The following FAM20A variants were observed in gnomAD, a reference collection of about 807,000 sequenced individuals.
FAM20A encodes the protein FAM20A golgi associated secretory pathway pseudokinase, also known as pseudokinase FAM20A.
FAM20A carries 42 observed loss-of-function variants against 52.0 expected under a neutral mutation model. The observed-to-expected ratio is 0.81, with a 90% confidence interval of 0.63 to 1.04. The LOEUF is 1.04. Ranked by LOEUF, FAM20A falls within the 50% of genes least tolerant of loss-of-function variation. The pLI is 0.00. For synonymous variants in FAM20A, 304 were observed against 298.9 expected (o/e 1.02, Z -0.18); for missense variants, 742 against 712.7 (o/e 1.04, Z -0.47).
chr17:68,585,856 C>T (rs1249236919), intron 1 of FAM20A, among the ~76,000 whole-genome samples: 2 of 152,148 alleles, frequency 1.3e-5, no homozygotes, highest in Non-Finnish European at 2.9e-5. Context: ...GGGTAATTCC[C>T]CTATGGATGT....
At position 68,537,090 on chromosome 17, in the gene FAM20A, G is replaced by A. The variant is rs778459468; in HGVS notation, c.*387C>T. ...CTGGACCAGGAGTTATCTTTGACTTGTAGCTAGAATAAGGATCCTGAGAAG... is the reference window on the plus strand; with the variant it reads ...CTGGACCAGGAGTTATCTTTGACTTATAGCTAGAATAAGGATCCTGAGAAG... On this transcript the variant is annotated 3_prime_UTR_variant, in exon 11 of 11. Coordinates refer to ENST00000592554, the MANE Select transcript of FAM20A (RefSeq NM_017565.4). The surrounding 1 kb of genome is among the most constrained non-coding windows in gnomAD (Gnocchi z 4.2). 2.2e-6 allele frequency: 1 copy of A among 463,738 alleles called. No homozygotes were observed. The highest frequency in any genetic ancestry group is 2.3e-5 in the Admixed American group (1 of 42,850). 28.7% of individuals were successfully genotyped at this position (463,738 alleles called of 1,614,324 possible). A position where few individuals can be genotyped will look rare whatever the true frequency, so the allele number is the denominator to read the frequency against.
At chr17:68,575,392 T>C (rs1262288113) in intron 1 of FAM20A, among the ~76,000 whole-genome samples, 1 of 135,020 alleles carries the variant, frequency 7.4e-6, no homozygotes, top group Non-Finnish European at 1.5e-5. Flanking sequence ...CATATATATA[T>C]ATATTTTATA....
rs967080163 is a variant in FAM20A, at chr17:68,554,353, G to A, written c.640+424C>T. On this transcript the variant is annotated intron_variant, in intron 3 of 10. Coordinates refer to ENST00000592554, the MANE Select transcript of FAM20A (RefSeq NM_017565.4). ...TGACATCAAGTGATCCACCCGCCTC[G>A]GACTCCCAGAGTGCTGGGATTACAG... Among the ~76,000 whole-genome samples the A allele has an allele frequency of 3.0e-4, 46 of 152,088 alleles. 2 individuals carry two copies. The highest frequency in any genetic ancestry group is 3.8e-4 in the East Asian group (2 of 5,202).
At chr17:68,579,889 T>G (rs972814424) in intron 1 of FAM20A, among the ~76,000 whole-genome samples, 1 of 152,194 alleles carries the variant, frequency 6.6e-6, no homozygotes, top group African/African-American at 2.4e-5. Context: ...AACTAACTGC[T>G]GGGGGCTGGA....
At chr17:68,544,313 A>T (rs1443388367) in intron 4 of FAM20A, among the ~76,000 whole-genome samples, 2 of 152,128 alleles carry the variant, frequency 1.3e-5, no homozygotes. Context: ...ATATTGATTT[A>T]TATACATTAA....
At chr17:68,582,771 C>T (rs1276612880) in intron 1 of FAM20A, among the ~76,000 whole-genome samples, 1 of 144,550 alleles carries the variant, frequency 6.9e-6, no homozygotes, top group African/African-American at 2.6e-5. Flanking sequence ...TGTGGAAGAG[C>T]CAGGATTAAT....
intron 1 of FAM20A, among the ~76,000 whole-genome samples, chr17:68,561,219 A>G (rs963586504): frequency 3.3e-5 from 5 of 152,238 alleles, no homozygotes; most frequent in African/African-American, 1.2e-4. Flanking sequence ...TTGAAATTAC[A>G]AGAATAAGAA....
chr17:68,581,351 T>TTTCTTTCTTTCTTTCTTTCC (rs2087945488), intron 1 of FAM20A, among the ~76,000 whole-genome samples: 1 of 24,912 alleles, frequency 4.0e-5, no homozygotes, highest in Non-Finnish European at 9.1e-5. Flanking sequence ...AAATGCAGTT[T>TTTCTTTCTTTCTTTCTTTCC]TTCTTTCTTT....
chr17:68,553,958 A>G (rs2086962370), intron 3 of FAM20A, among the ~76,000 whole-genome samples: 2 of 148,554 alleles, frequency 1.3e-5, no homozygotes, highest in South Asian at 4.2e-4. Context: ...ACATATATGC[A>G]TATATACATA....
At chr17:68,571,144 T>A (rs1029500422) in intron 1 of FAM20A, among the ~76,000 whole-genome samples, 1 of 152,166 alleles carries the variant, frequency 6.6e-6, no homozygotes, top group Non-Finnish European at 1.5e-5. Flanking sequence ...AGGAAAAATC[T>A]CTTCGTTGGA....
intron 1 of FAM20A, among the ~76,000 whole-genome samples, chr17:68,580,325 A>G (rs2087906434): frequency 6.6e-6 from 1 of 152,158 alleles, no homozygotes; most frequent in Non-Finnish European, 1.5e-5. Context: ...CAATGACTGT[A>G]CCAAGATTTT....
At chr17:68,596,112 CA>C (rs1426833165) in intron 1 of FAM20A, among the ~76,000 whole-genome samples, 3 of 152,052 alleles carry the variant, frequency 2.0e-5, no homozygotes, top group Admixed American at 2.0e-4. Flanking sequence ...CGGTGATTTT[CA>C]AAGAGAGACC....
chr17:68,581,350 T>TTTTCTTCC (rs1555831892), intron 1 of FAM20A, among the ~76,000 whole-genome samples: 4 of 92,218 alleles, frequency 4.3e-5, no homozygotes, highest in African/African-American at 1.9e-4. Flanking sequence ...GAAATGCAGT[T>TTTTCTTCC]TTTCTTTCTT....
At chr17:68,551,205 G>C in intron 4 of FAM20A, 1 of 1,092,506 alleles carries the variant, frequency 9.2e-7, no homozygotes, top group African/African-American at 1.6e-5. Flanking sequence ...CTCACACCAA[G>C]CTCTGTCTAA....
At chr17:68,542,330 A>G (rs2086338848) in intron 6 of FAM20A, among the ~76,000 whole-genome samples, 165 bp from the exon 7 acceptor site, 1 of 152,162 alleles carries the variant, frequency 6.6e-6, no homozygotes. Context: ...TGAGGGTGTG[A>G]ATGCTACTAA....
At chr17:68,550,368 A>AAT (rs2086777078) in intron 4 of FAM20A, among the ~76,000 whole-genome samples, 2 of 85,808 alleles carry the variant, frequency 2.3e-5, no homozygotes, top group Admixed American at 1.3e-4. Context: ...AAATGGGGGA[A>AAT]CTTTTTTTTT....
In FAM20A at chr17:68,598,919, C is replaced by T. The variant is rs116239709; in HGVS notation, c.404+1344G>A. ...CTAAGCCAGACTTCCATGTTATTGA[C>T]GAAATAAAGATAATATTGAAAATGA... On this transcript the variant is annotated intron_variant, in intron 1 of 10. Transcript: ENST00000592554. 2.9e-3 allele frequency among the ~76,000 whole-genome samples: 436 copies of T among 152,132 alleles called. 4 individuals are homozygous for T. The highest frequency in any genetic ancestry group is 9.0e-3 in the African/African-American group (372 of 41,488).
intron 1 of FAM20A, among the ~76,000 whole-genome samples, chr17:68,593,771 C>T (rs943648957): frequency 1.3e-5 from 2 of 152,206 alleles, no homozygotes; most frequent in Non-Finnish European, 2.9e-5. Context: ...GCTTTTCATG[C>T]CAAGGGCAAG....
At chr17:68,584,465 T>TTA (rs2088110785) in intron 1 of FAM20A, among the ~76,000 whole-genome samples, 1 of 152,148 alleles carries the variant, frequency 6.6e-6, no homozygotes, top group African/African-American at 2.4e-5. Context: ...AAACAGGGCT[T>TTA]GGTAAGGACA....
Sources: allele counts gnomAD v4.1 joint callset (sites outside exome capture counted in the v4.1 genomes callset), GRCh38; gene constraint gnomAD v4.1.1; non-coding constraint Gnocchi (gnomAD v3.1); transcripts MANE v1.5; gene names NCBI Gene and HGNC (gene_info 2026-07-23, HGNC 2026-07-21).